VWA3B: variants seen among roughly 807,000 people sequenced by gnomAD.
The protein encoded by VWA3B is von Willebrand factor A domain-containing protein 3B.
In VWA3B, 138 loss-of-function variants were observed where a neutral mutation model predicts 158.3. That is an observed-to-expected ratio of 0.87 (90% CI 0.76 to 1.00). VWA3B has a LOEUF of 1.00. Ranked by LOEUF, VWA3B falls within the 50% of genes least tolerant of loss-of-function variation. The pLI is 0.00. For synonymous variants in VWA3B, 596 were observed against 587.3 expected (o/e 1.01, Z -0.21); for missense variants, 1,555 against 1,565.1 (o/e 0.99, Z 0.11).
the VWA3B span, among the ~76,000 whole-genome samples, chr2:98,322,314 C>A: frequency 1.3e-5 from 2 of 152,164 alleles, no homozygotes; most frequent in African/African-American, 4.8e-5. Context: ...TGAGGGCACT[C>A]CCCAACTTTC....
chr2:98,309,132 T>C (rs984146149), intron 26 of VWA3B, among the ~76,000 whole-genome samples: 1 of 142,876 alleles, frequency 7.0e-6, no homozygotes, highest in African/African-American at 2.7e-5. Flanking sequence ...ATCACACCAC[T>C]GCACTCCAGC....
At chr2:98,301,873 TC>T (rs1383429420) in intron 25 of VWA3B, among the ~76,000 whole-genome samples, 3 of 152,206 alleles carry the variant, frequency 2.0e-5, no homozygotes, top group African/African-American at 7.2e-5. Context: ...GTCAAATTTA[TC>T]CCTCTTCTCC....
chr2:98,297,194 G>C (rs945725202), intron 23 of VWA3B, among the ~76,000 whole-genome samples: 41 of 151,758 alleles, frequency 2.7e-4, no homozygotes, highest in African/African-American at 9.4e-4. Flanking sequence ...CGTTTCTCCT[G>C]CCTCAGCCTC....
At chr2:98,127,029 A>G (rs1246339394) in intron 5 of VWA3B, among the ~76,000 whole-genome samples, 2 of 146,166 alleles carry the variant, frequency 1.4e-5, no homozygotes, top group African/African-American at 2.5e-5. Flanking sequence ...AGGTGAGGCC[A>G]TTTGTTGACT....
intron 6 of VWA3B, among the ~76,000 whole-genome samples, chr2:98,132,278 G>A (rs2105041521): frequency 6.6e-6 from 1 of 152,354 alleles, no homozygotes; most frequent in Non-Finnish European, 1.5e-5. Context: ...TAGTGCCCCT[G>A]CCTTCTCCAC....
chr2:98,130,294 C>G (rs1011181513), intron 6 of VWA3B, among the ~76,000 whole-genome samples: 1 of 152,138 alleles, frequency 6.6e-6, no homozygotes, highest in Admixed American at 6.6e-5. Flanking sequence ...AATATACAAT[C>G]GGGCTTTACA....
At chr2:98,309,655 T>C (rs186572564) in intron 26 of VWA3B, among the ~76,000 whole-genome samples, 130 of 152,310 alleles carry the variant, frequency 8.5e-4, no homozygotes, top group African/African-American at 2.8e-3. Context: ...ACTCACATTG[T>C]CTCCTGACAT....
In VWA3B at chr2:98,311,966, C is replaced by G. The variant is rs17428626; in HGVS notation, c.3669C>G (p.Asp1223Glu). Reference sequence around the variant, plus strand: ...CACTCCAGCAGGCGGCGCCCTCGGACTCGGACGGCTCCTCCCACGGCATCA... The same window carrying G: ...CACTCCAGCAGGCGGCGCCCTCGGAGTCGGACGGCTCCTCCCACGGCATCA... ...KQPLQQAAPS[D>E]SDGSSHGISS... Residue 1223 changes from aspartate (D) to glutamate (E), a missense_variant, in exon 27 of 28, where the codon GAC becomes GAG. Physicochemically the swap from Asp to Glu is conservative, Grantham distance 45 (BLOSUM62 2). Transcript: ENST00000477737. 0.057 allele frequency: 91,761 copies of G among 1,604,840 alleles called. 3,184 individuals carry two copies. The highest frequency in any genetic ancestry group is 0.068 in the Non-Finnish European group (80,193 of 1,175,582).
chr2:98,151,009 A>C (rs1288558440), intron 7 of VWA3B, among the ~76,000 whole-genome samples: 9 of 152,166 alleles, frequency 5.9e-5, no homozygotes, highest in African/African-American at 2.2e-4. Flanking sequence ...CTGTTGGTTT[A>C]CAGTTTTCAT....
At chr2:98,265,662 A>C (rs1420288828) in intron 21 of VWA3B, among the ~76,000 whole-genome samples, 1 of 147,418 alleles carries the variant, frequency 6.8e-6, no homozygotes, top group South Asian at 2.2e-4. Context: ...TCCCACCAAC[A>C]GTGTAAAAGT....
chr2:98,109,883 T>C (rs984282317), intron 2 of VWA3B, among the ~76,000 whole-genome samples: 2 of 151,980 alleles, frequency 1.3e-5, no homozygotes, highest in Non-Finnish European at 2.9e-5. Context: ...CATTAGAATT[T>C]ATTTTTCCCT....
chr2:98,152,980 C>T (rs1558608883), intron 7 of VWA3B, among the ~76,000 whole-genome samples: 1 of 152,206 alleles, frequency 6.6e-6, no homozygotes, highest in Non-Finnish European at 1.5e-5. Context: ...CAACACAGAA[C>T]CCTCTCACAG....
chr2:98,250,976 T>C (rs1246207400), intron 20 of VWA3B, among the ~76,000 whole-genome samples: 1 of 152,092 alleles, frequency 6.6e-6, no homozygotes, highest in Admixed American at 6.5e-5. Flanking sequence ...GGTGCGTGCC[T>C]GTAGTCCCAG....
At position 98,129,224 on chromosome 2, in the gene VWA3B, AGTGTGT is replaced by A. The variant is rs1228441504; in HGVS notation, c.872+846_872+851del. 1.6e-3 allele frequency among the ~76,000 whole-genome samples: 199 copies of A among 124,656 alleles called. 5 individuals carry two copies. The East Asian group carries it at 0.029, about 18-fold the overall frequency. The allele number at this position is 124,656 out of a possible 152,430, so 81.8% of individuals were successfully genotyped here. On this transcript the variant is annotated intron_variant, in intron 6 of 27. Transcript: ENST00000477737. ...AGAGAGAGGAGAGAGAGAGAGAGAGAGTGTGTGTGTGTGTGTGTGTGTGTGTGTGTG... is the reference window on the plus strand; with the variant it reads ...AGAGAGAGGAGAGAGAGAGAGAGAGAGTGTGTGTGTGTGTGTGTGTGTGTG...
Position 98,234,771 on chromosome 2 carries a change from A to C in VWA3B, c.2428+4A>C. ...AGGACTGCTCTAAGTGACAAAGGCA[A>C]GCCAGAAAGCATCTCTGTGGCCAAC... On this transcript the variant is annotated splice_donor_region_variant and intron_variant, in intron 17 of 27. Coordinates refer to ENST00000477737, the MANE Select transcript of VWA3B (RefSeq NM_144992.5). 1 of 1,614,168 alleles carries C rather than the reference A, an allele frequency of 6.2e-7. No homozygotes were observed. Among genetic ancestry groups the C allele is most frequent in the Non-Finnish European group, 8.5e-7 (1 of 1,180,006 alleles).
rs1681857372 is a variant in VWA3B, at chr2:98,194,415, G to A, written c.1660G>A (p.Val554Ile). 6.2e-7 allele frequency: 1 copy of A among 1,614,020 alleles called. No homozygotes were observed. The highest frequency in any genetic ancestry group is 8.5e-7 in the Non-Finnish European group (1 of 1,179,892). Reference protein sequence around the residue: ...FNFVKFDGQAVAWREQLAEVN... With the variant: ...FNFVKFDGQAIAWREQLAEVN... ...CTTTGTGAAGTTTGATGGTCAAGCA[G>A]TTGCTTGGCGGGAACAACTTGCTGA... Residue 554 changes from valine (V) to isoleucine (I), a missense_variant, in exon 12 of 28, where the codon GTT becomes ATT. Coordinates refer to ENST00000477737, the MANE Select transcript of VWA3B (RefSeq NM_144992.5).
At chr2:98,092,993 C>T (rs1037643254) in intron 1 of VWA3B, 68 bp from the exon 2 acceptor site, 71 of 1,100,890 alleles carry the variant, frequency 6.4e-5, no homozygotes, top group Non-Finnish European at 8.5e-5. Flanking sequence ...TATGTTAAGC[C>T]AGTCCCCTGT....
chr2:98,304,871 C>T (rs187849508), intron 26 of VWA3B, among the ~76,000 whole-genome samples: 8 of 152,244 alleles, frequency 5.3e-5, no homozygotes, highest in Non-Finnish European at 5.9e-5. Flanking sequence ...CCCTTGGTTC[C>T]GCAGTGTGAT....
chr2:98,301,887 CT>C (rs1690216476), intron 25 of VWA3B, among the ~76,000 whole-genome samples: 1 of 152,180 alleles, frequency 6.6e-6, no homozygotes, highest in Non-Finnish European at 1.5e-5. Flanking sequence ...TCTTCTCCTT[CT>C]GCCCTTTCTA....
Sources: allele counts gnomAD v4.1 joint callset (sites outside exome capture counted in the v4.1 genomes callset), GRCh38; gene constraint gnomAD v4.1.1; transcripts MANE v1.5; gene names NCBI Gene and HGNC (gene_info 2026-07-23, HGNC 2026-07-21).